SLC45A3: variants seen among roughly 807,000 people sequenced by gnomAD.
SLC45A3 encodes prostate cancer associated protein 2.
In SLC45A3, 17 loss-of-function variants were observed where a neutral mutation model predicts 35.3. That is an observed-to-expected ratio of 0.48 (90% confidence interval 0.33 to 0.72). SLC45A3 has a LOEUF of 0.72. Among genes scored for constraint, SLC45A3 ranks in the 30% least tolerant of loss-of-function variants. The pLI is 0.02. For synonymous variants in SLC45A3, 288 were observed against 334.3 expected, an observed-to-expected ratio of 0.86 and a Z score of 1.51; for missense variants, 597 against 731.7, an observed-to-expected ratio of 0.82 and a Z score of 2.12.
At position 205,669,601 on chromosome 1, in the gene SLC45A3, C is replaced by T. The variant is rs1671175238; in HGVS notation, c.-230-4715G>A. ...CAATTCTAAGGCTTCTTTATGCAGG[C>T]CAGCGTCAAACCCCACCCAGGCACA... On this transcript the variant is annotated intron_variant, in intron 1 of 4. Transcript: ENST00000367145. This position sits in a 1 kb window ranked among gnomAD's most constrained non-coding sequence, Gnocchi z 4.1. Among the ~76,000 whole-genome samples, 1 of 152,156 alleles carries T rather than the reference C, an allele frequency of 6.6e-6. No homozygotes were observed. The highest frequency in any genetic ancestry group is 1.5e-5 in the Non-Finnish European group (1 of 68,014).
Position 205,669,802 on chromosome 1 carries a change from G to A in SLC45A3, c.-230-4916C>T, listed in dbSNP as rs1004283707. The stretch of plus-strand genomic sequence containing the variant: ...GGGAAATCGGGGGCTGGTGAGGCAC[G>A]AGGAATAATGACTCAGCTGAGGAAA... On this transcript the variant is annotated intron_variant, in intron 1 of 4. Coordinates refer to ENST00000367145, the MANE Select transcript of SLC45A3 (RefSeq NM_033102.3). The surrounding 1 kb of genome is among the most constrained non-coding windows in gnomAD (Gnocchi z 4.1). 2.0e-5 allele frequency among the ~76,000 whole-genome samples: 3 copies of A among 152,194 alleles called. No homozygotes were observed. Among genetic ancestry groups the A allele is most frequent in the Non-Finnish European group, 2.9e-5 (2 of 68,034 alleles).
chr1:205,670,875 G>T (rs116334835), intron 1 of SLC45A3, among the ~76,000 whole-genome samples: 1 of 152,230 alleles, frequency 6.6e-6, no homozygotes, highest in Non-Finnish European at 1.5e-5. Flanking sequence ...AGGCCCTAGG[G>T]GGGCAGAGGG....
intron 1 of SLC45A3, among the ~76,000 whole-genome samples, chr1:205,676,779 C>T (rs1558037951): frequency 6.6e-6 from 1 of 152,106 alleles, no homozygotes; most frequent in East Asian, 1.9e-4. Flanking sequence ...TCACCAGCTG[C>T]CCCCCTCCCC....
rs749319042 is a variant in SLC45A3 at position 205,663,270 on chromosome 1, A to T, written c.521T>A (p.Leu174Gln). 6.2e-7 allele frequency: 1 copy of T among 1,613,554 alleles called. No individual in the cohort carries two copies. The highest frequency in any genetic ancestry group is 2.2e-5 in the East Asian group (1 of 44,884). ...YAFMISLGGC[L>Q]GYLLPAIDWD... ...GTCAATGGCAGGCAGGAGGTAGCCCAGGCAGCCCCCAAGACTGATCATGAA... is the reference window on the plus strand; with the variant it reads ...GTCAATGGCAGGCAGGAGGTAGCCCTGGCAGCCCCCAAGACTGATCATGAA... Residue 174 changes from leucine (L) to glutamine (Q), a missense_variant, in exon 3 of 5, where the codon CTG (leucine) becomes CAG (glutamine). This residue lies in a region of SLC45A3 where 555 missense variants were observed against 664.9 expected (regional missense o/e 0.83). Transcript: ENST00000367145.
chr1:205,665,737 A>C (rs1402020113), intron 1 of SLC45A3, among the ~76,000 whole-genome samples: 4 of 152,158 alleles, frequency 2.6e-5, no homozygotes, highest in Non-Finnish European at 5.9e-5. Flanking sequence ...TGCTCTTTTC[A>C]ATTTTCAGCA....
chr1:205,663,920 G>A (rs528679328), intron 2 of SLC45A3, among the ~76,000 whole-genome samples: 10 of 152,292 alleles, frequency 6.6e-5, no homozygotes, highest in Non-Finnish European at 1.2e-4. Context: ...AATCCTCACA[G>A]GGGCCCCTCT....
At chr1:205,678,057 C>T (rs1671339373) in intron 1 of SLC45A3, among the ~76,000 whole-genome samples, 1 of 152,150 alleles carries the variant, frequency 6.6e-6, no homozygotes, top group South Asian at 2.1e-4. Context: ...TGGCTCACAC[C>T]TGTAATCCCA....
intron 1 of SLC45A3, among the ~76,000 whole-genome samples, chr1:205,679,966 A>T: frequency 6.6e-6 from 1 of 151,506 alleles, no homozygotes. Flanking sequence ...AAATAAACGC[A>T]ACTTTCCAAA....
In SLC45A3 at chr1:205,664,822, C is replaced by T. The variant is rs1162820233; in HGVS notation, c.-166G>A. ...GCCCTTTGGTGCCGGTCCAGCTTCT[C>T]AGCCCATGCTCAACACCTGCTGCTG... On this transcript the variant is annotated 5_prime_UTR_variant, in exon 2 of 5. The change abolishes the stop of an existing upstream ORF in the 5' untranslated region. Transcript: ENST00000367145. This position sits in a 1 kb window ranked among gnomAD's most constrained non-coding sequence, Gnocchi z 5.3. 2.4e-5 allele frequency: 34 copies of T among 1,432,728 alleles called. No individual in the cohort carries two copies. Among genetic ancestry groups the T allele is most frequent in the Non-Finnish European group, 2.9e-5 (32 of 1,098,226 alleles). The allele number at this position is 1,432,728 out of a possible 1,614,324, so 88.8% of individuals were successfully genotyped here.
chr1:205,677,842 T>C (rs1671336020), intron 1 of SLC45A3, among the ~76,000 whole-genome samples: 1 of 152,206 alleles, frequency 6.6e-6, no homozygotes. Flanking sequence ...AAGCTATAAT[T>C]TTTAGACTAT....
chr1:205,669,961 G>C lies in SLC45A3; in HGVS notation c.-230-5075C>G, dbSNP rs1339766632. ...AAACTGAGCTCTCCAGGGTCCTCTA[G>C]GTTGGGGGCAGGGAGTGGACCTCTC... On this transcript the variant is annotated intron_variant, in intron 1 of 4. Transcript: ENST00000367145. This position sits in a 1 kb window ranked among gnomAD's most constrained non-coding sequence, Gnocchi z 4.1. Among the ~76,000 whole-genome samples, 1 of 152,214 alleles carries C rather than the reference G, an allele frequency of 6.6e-6. No homozygotes were observed. Among genetic ancestry groups the C allele is most frequent in the Non-Finnish European group, 1.5e-5 (1 of 68,032 alleles).
rs1324844663 is a variant in SLC45A3, at chr1:205,658,393, G to T, written c.*841C>A. On this transcript the variant is annotated 3_prime_UTR_variant, in exon 5 of 5. Coordinates refer to ENST00000367145, the MANE Select transcript of SLC45A3 (RefSeq NM_033102.3). ...GGATGAGTAGAATTTCCAAGGTCCT[G>T]GGTTAGGCATTTTGGGGGGCCAGAC... The T allele has an allele frequency of 4.3e-6, 1 of 232,922 alleles. No individual in the cohort carries two copies. Among genetic ancestry groups the T allele is most frequent in the Non-Finnish European group, 8.5e-6 (1 of 117,828 alleles). 14.4% of individuals were successfully genotyped at this position (232,922 alleles called of 1,614,324 possible). A position where few individuals can be genotyped will look rare whatever the true frequency, so the allele number is the denominator to read the frequency against.
chr1:205,660,871 C>G (rs1383430185), intron 4 of SLC45A3, among the ~76,000 whole-genome samples: 1 of 152,182 alleles, frequency 6.6e-6, no homozygotes, highest in African/African-American at 2.4e-5. Context: ...CAGGCTCCCC[C>G]AACCAAAACC....
At chr1:205,677,093 A>G (rs1426893423) in intron 1 of SLC45A3, among the ~76,000 whole-genome samples, 1 of 152,230 alleles carries the variant, frequency 6.6e-6, no homozygotes, top group Non-Finnish European at 1.5e-5. Context: ...AACTGTTTGC[A>G]TAGAAGGCTC....
chr1:205,664,717 G>C lies in SLC45A3; in HGVS notation c.-61C>G. ...AGGCACTCCAGAACTGCTTCGTCTC[G>C]GCTCTGCTCCAGAAGCTGCGGCCTC... is the stretch of plus-strand genomic sequence containing the variant. On this transcript the variant is annotated 5_prime_UTR_variant, in exon 2 of 5. Coordinates refer to ENST00000367145, the MANE Select transcript of SLC45A3 (RefSeq NM_033102.3). The surrounding 1 kb of genome is among the most constrained non-coding windows in gnomAD (Gnocchi z 5.3). 15 of 1,576,786 alleles carry C rather than the reference G, an allele frequency of 9.5e-6. 1 individual carries two copies. In the South Asian group the frequency reaches 1.5e-4, roughly 16 times the overall value.
At chr1:205,668,330 C>A (rs1349393002) in intron 1 of SLC45A3, among the ~76,000 whole-genome samples, 1 of 152,072 alleles carries the variant, frequency 6.6e-6, no homozygotes, top group Non-Finnish European at 1.5e-5. Context: ...TCCAGGGCCG[C>A]CTTCCCTGGA....
intron 1 of SLC45A3, among the ~76,000 whole-genome samples, chr1:205,667,779 A>C (rs1573104): frequency 0.5 from 76,551 of 151,902 alleles, 21,989 homozygotes; most frequent in African/African-American, 0.77. Flanking sequence ...TCCCTTAATC[A>C]AGTTCCCAGG....
At chr1:205,671,904 AAAG>A (rs1671223344) in intron 1 of SLC45A3, among the ~76,000 whole-genome samples, 1 of 152,016 alleles carries the variant, frequency 6.6e-6, no homozygotes, top group Non-Finnish European at 1.5e-5. Flanking sequence ...ACAAAACAGA[AAAG>A]AAAACGCACA....
chr1:205,661,754 A>G, intron 4 of SLC45A3, 107 bp downstream of exon 4: 1 of 1,460,012 alleles, frequency 6.8e-7, no homozygotes, highest in Non-Finnish European at 9.2e-7. Context: ...GATTCAAAGA[A>G]GCATTCTCCA....
Sources: allele counts gnomAD v4.1 joint callset (sites outside exome capture counted in the v4.1 genomes callset), GRCh38; gene constraint gnomAD v4.1.1; regional missense constraint gnomAD v4.1.1; non-coding constraint Gnocchi (gnomAD v3.1); transcripts MANE v1.5; gene names NCBI Gene and HGNC (gene_info 2026-07-23, HGNC 2026-07-21).